Variants in MTARC2 observed in about 807,000 individuals in gnomAD.
MTARC2 encodes the protein mitochondrial amidoxime reducing component 2.
In MTARC2, 27 loss-of-function variants were observed where a neutral mutation model predicts 35.6. That is an observed-to-expected ratio of 0.76 (90% CI 0.56 to 1.04). The LOEUF (loss-of-function observed/expected upper bound fraction) is 1.04. Ranked by LOEUF, MTARC2 falls within the 50% of genes least tolerant of loss-of-function variation. MTARC2 has a pLI of 0.00. For synonymous variants in MTARC2, 158 were observed against 167.1 expected (o/e 0.95, Z 0.42); for missense variants, 412 against 432.5 (o/e 0.95, Z 0.42).
At chr1:220,762,836 A>G in intron 3 of MTARC2, 74 bp from the exon 4 acceptor site, 1 of 1,536,686 alleles carries the variant, frequency 6.5e-7, no homozygotes. Flanking sequence ...GCTTCTGGAC[A>G]TTACTTAGCT....
At chr1:220,783,886 C>T (rs1672146764) in intron 7 of MTARC2, 33 bp from the exon 8 acceptor site, 3 of 717,232 alleles carry the variant, frequency 4.2e-6, no homozygotes, top group East Asian at 5.4e-5. Context: ...GGATAAACAA[C>T]CAAATAACCA....
intron 4 of MTARC2, among the ~76,000 whole-genome samples, chr1:220,772,773 G>T (rs1671780261): frequency 6.6e-6 from 1 of 152,000 alleles, no homozygotes; most frequent in African/African-American, 2.4e-5. Context: ...TCCAATTGCG[G>T]GAACCATGGC....
rs775321022 is a variant in MTARC2 at position 220,781,940 on chromosome 1, G to A, written c.*31+8G>A. 1 of 1,598,558 alleles carries A rather than the reference G, an allele frequency of 6.3e-7. No homozygotes were observed. The highest frequency in any genetic ancestry group is 8.5e-7 in the Non-Finnish European group (1 of 1,170,920). Reference sequence around the variant, plus strand: ...ATCCACTAGGGTGATATGGTAAAGGGTCAGCTTTGCTTCTGAATACGCTGT... The same window carrying A: ...ATCCACTAGGGTGATATGGTAAAGGATCAGCTTTGCTTCTGAATACGCTGT... On this transcript the variant is annotated splice_region_variant and intron_variant, in intron 7 of 7. Coordinates refer to ENST00000366913, the MANE Select transcript of MTARC2 (RefSeq NM_017898.5).
At chr1:220,761,075 TA>T (rs1470406662) in intron 2 of MTARC2, among the ~76,000 whole-genome samples, 1 of 152,196 alleles carries the variant, frequency 6.6e-6, no homozygotes, top group Non-Finnish European at 1.5e-5. Context: ...AAAACTCCAT[TA>T]GGGGAATTTA....
intron 1 of MTARC2, chr1:220,754,523 A>G: frequency 4.6e-6 from 2 of 438,062 alleles, no homozygotes; most frequent in East Asian, 7.0e-5. Context: ...CACTTGGCCA[A>G]CCTCATCTTG....
intron 4 of MTARC2, among the ~76,000 whole-genome samples, chr1:220,775,836 T>C (rs6541159): frequency 0.12 from 18,068 of 152,248 alleles, 1,743 homozygotes; most frequent in African/African-American, 0.24. Flanking sequence ...GCTCTATCTA[T>C]GTTGCTGCAA....
intron 2 of MTARC2, among the ~76,000 whole-genome samples, chr1:220,757,470 G>GTTCATGAATTATAAAAATATATAGCATAT (rs1671310778): frequency 6.6e-6 from 1 of 152,226 alleles, no homozygotes; most frequent in Non-Finnish European, 1.5e-5. Flanking sequence ...AGTGTGTTTA[G>GTTCATGAATTATAAAAATATATAGCATAT]CTAGTGCCAG....
In MTARC2 at chr1:220,761,930, T is replaced by A. The variant is rs1671449301; in HGVS notation, c.609+110T>A. On this transcript the variant is annotated intron_variant, in intron 3 of 7. Coordinates refer to ENST00000366913, the MANE Select transcript of MTARC2 (RefSeq NM_017898.5). ...TGGGACCTCAGTTAAGAAAATATGATAATGGCCCTGGTGAGTGATAATGAG... is the reference window on the plus strand; with the variant it reads ...TGGGACCTCAGTTAAGAAAATATGAAAATGGCCCTGGTGAGTGATAATGAG... 2 of 1,072,622 alleles carry A rather than the reference T, an allele frequency of 1.9e-6. 1 individual carries two copies. Among genetic ancestry groups the A allele is most frequent in the Admixed American group, 4.6e-5 (2 of 43,154 alleles). The allele number at this position is 1,072,622 out of a possible 1,614,324, so 66.4% of individuals were successfully genotyped here.
chr1:220,779,585 G>A (rs563819429), intron 4 of MTARC2, among the ~76,000 whole-genome samples: 3 of 152,332 alleles, frequency 2.0e-5, no homozygotes, highest in Admixed American at 2.0e-4. Flanking sequence ...AGCAATGAAT[G>A]TGTGAATCAT....
At position 220,749,624 on chromosome 1, in the gene MTARC2, T is replaced by C. The variant is rs188581067; in HGVS notation, c.272+821T>C. Among the ~76,000 whole-genome samples the C allele has an allele frequency of 2.9e-3, 440 of 152,114 alleles. 1 individual carries two copies. The highest frequency in any genetic ancestry group is 9.7e-3 in the African/African-American group (403 of 41,478). On this transcript the variant is annotated intron_variant, in intron 1 of 7. Coordinates refer to ENST00000366913, the MANE Select transcript of MTARC2 (RefSeq NM_017898.5). Reference sequence around the variant, plus strand: ...TTTTGTATTTTTAGTAGAAACGGGGTTTCACTCTGTTGACCAGGCTGGTCT... The same window carrying C: ...TTTTGTATTTTTAGTAGAAACGGGGCTTCACTCTGTTGACCAGGCTGGTCT...
At position 220,784,319 on chromosome 1, in the gene MTARC2, A is replaced by C; in HGVS notation, c.*432A>C. ...CTATGTTTTGGGAGAAATGGGAAGC[A>C]ACAGATCACTGTGTCCTGATGTGCA... On this transcript the variant is annotated 3_prime_UTR_variant, in exon 8 of 8. Coordinates refer to ENST00000366913, the MANE Select transcript of MTARC2 (RefSeq NM_017898.5). 4.3e-6 allele frequency: 1 copy of C among 230,776 alleles called. No individual in the cohort carries two copies. Among genetic ancestry groups the C allele is most frequent in the Non-Finnish European group, 8.7e-6 (1 of 115,594 alleles). The allele number at this position is 230,776 out of a possible 1,614,324, so 14.3% of individuals were successfully genotyped here.
intron 2 of MTARC2, among the ~76,000 whole-genome samples, chr1:220,759,864 A>G (rs1286662768): frequency 6.6e-6 from 1 of 152,144 alleles, no homozygotes; most frequent in Non-Finnish European, 1.5e-5. Context: ...AGTAGATAGG[A>G]GAGGAGGTGA....
rs758537957 is a variant in MTARC2, at chr1:220,780,046, G to T, written c.779G>T (p.Ser260Ile). ...ACCTGGGATGAACTCCTAATTGGTAGTGTAGAAGTGAAAAAGGTAATGGCA... is the reference window on the plus strand; with the variant it reads ...ACCTGGGATGAACTCCTAATTGGTATTGTAGAAGTGAAAAAGGTAATGGCA... ...EDTWDELLIG[S>I]VEVKKVMACP... Residue 260 changes from serine (S) to isoleucine (I), a missense_variant, in exon 5 of 8, where the codon AGT becomes ATT. By Grantham distance (142) the Ser-to-Ile change is moderately radical (BLOSUM62 -2). Transcript: ENST00000366913. 1 of 1,546,424 alleles carries T rather than the reference G, an allele frequency of 6.5e-7. No individual in the cohort carries two copies. Among genetic ancestry groups the T allele is most frequent in the East Asian group, 2.4e-5 (1 of 41,558 alleles).
intron 4 of MTARC2, among the ~76,000 whole-genome samples, chr1:220,775,535 A>G (rs1028506788): frequency 6.6e-6 from 1 of 152,054 alleles, no homozygotes; most frequent in African/African-American, 2.4e-5. Flanking sequence ...TATCTTTCCA[A>G]CTTTTATTTT....
chr1:220,770,322 C>T, intron 4 of MTARC2: 9 of 907,810 alleles, frequency 9.9e-6, no homozygotes, highest in Non-Finnish European at 1.2e-5. Flanking sequence ...GAGGCAAGGA[C>T]TTGGCCATTG....
intron 4 of MTARC2, among the ~76,000 whole-genome samples, chr1:220,768,864 C>G (rs1671655036): frequency 6.6e-6 from 1 of 152,160 alleles, no homozygotes; most frequent in African/African-American, 2.4e-5. Flanking sequence ...CCCCTCCCTG[C>G]AGGCGTTTGT....
intron 4 of MTARC2, among the ~76,000 whole-genome samples, chr1:220,776,666 C>A (rs1045975744): frequency 2.6e-5 from 4 of 152,170 alleles, no homozygotes; most frequent in Non-Finnish European, 4.4e-5. Context: ...CTTTTAAACG[C>A]GGCCTTGCGG....
At chr1:220,751,907 A>T (rs535697695) in intron 1 of MTARC2, among the ~76,000 whole-genome samples, 2 of 152,354 alleles carry the variant, frequency 1.3e-5, no homozygotes, top group South Asian at 4.1e-4. Flanking sequence ...TTCACTGGGC[A>T]TCATTTTGTG....
At chr1:220,763,203 C>T (rs1406273455) in intron 4 of MTARC2, among the ~76,000 whole-genome samples, 153 bp downstream of exon 4, 1 of 152,032 alleles carries the variant, frequency 6.6e-6, no homozygotes, top group African/African-American at 2.4e-5. Flanking sequence ...GAGTTGTTCA[C>T]CCATTGTTGC....
Sources: allele counts gnomAD v4.1 joint callset (sites outside exome capture counted in the v4.1 genomes callset), GRCh38; gene constraint gnomAD v4.1.1; transcripts MANE v1.5; gene names NCBI Gene and HGNC (gene_info 2026-07-23, HGNC 2026-07-21).